Variants in TOPBP1 observed in about 807,000 individuals in gnomAD.
The protein encoded by TOPBP1 is DNA topoisomerase II binding protein 1.
In TOPBP1, 28 loss-of-function variants were observed where a neutral mutation model predicts 167.7. That is an observed-to-expected ratio of 0.17 (90% CI 0.12 to 0.23). TOPBP1 has a LOEUF of 0.23. TOPBP1 is among the 10% of genes least tolerant of loss of function. TOPBP1 has a pLI of 1.00. For missense variants in TOPBP1, 1,554 were observed against 1,809.6 expected (o/e 0.86, Z 2.56); for synonymous variants, 598 against 611.4 (o/e 0.98, Z 0.32).
chr3:133,656,925 C>G, intron 4 of TOPBP1, 68 bp from the exon 5 acceptor site: 1 of 1,333,380 alleles, frequency 7.5e-7, no homozygotes, highest in Non-Finnish European at 9.8e-7. Flanking sequence ...TATACACTAT[C>G]TCATAAATAC....
intron 6 of TOPBP1, among the ~76,000 whole-genome samples, 193 bp downstream of exon 6, chr3:133,655,097 C>A (rs1936433943): frequency 6.6e-6 from 1 of 152,020 alleles, no homozygotes; most frequent in African/African-American, 2.4e-5. Flanking sequence ...TCCCGCTACT[C>A]GGGAAGCTGA....
intron 2 of TOPBP1, 59 bp from the exon 3 acceptor site, chr3:133,659,209 A>T: frequency 6.9e-7 from 1 of 1,444,352 alleles, no homozygotes; most frequent in East Asian, 2.4e-5. Flanking sequence ...TTTAGGTCCT[A>T]TTCAAATTCC....
At chr3:133,627,293 G>GAAT (rs1375601958) in intron 16 of TOPBP1, among the ~76,000 whole-genome samples, 1 of 151,370 alleles carries the variant, frequency 6.6e-6, no homozygotes, top group Non-Finnish European at 1.5e-5. Flanking sequence ...CATCAAAACA[G>GAAT]AATAAACAAG....
intron 14 of TOPBP1, among the ~76,000 whole-genome samples, chr3:133,631,472 C>T (rs1457157568): frequency 1.3e-5 from 2 of 152,074 alleles, no homozygotes; most frequent in African/African-American, 2.4e-5. Flanking sequence ...AATATTGTTT[C>T]TGCTTGCATT....
In TOPBP1 at chr3:133,617,336, A is replaced by G. The variant is rs564263941; in HGVS notation, c.3593-10T>C. ...CCAGGATCACAGACAGCTGAGGACA[A>G]TAAAATGCTGCAGTGTGACAGGATC... is the stretch of plus-strand genomic sequence containing the variant. On this transcript the variant is annotated splice_polypyrimidine_tract_variant and intron_variant, in intron 21 of 27. Transcript: ENST00000260810. 1.3e-6 allele frequency: 2 copies of G among 1,593,856 alleles called. No homozygotes were observed. Among genetic ancestry groups the G allele is most frequent in the South Asian group, 2.3e-5 (2 of 87,942 alleles).
intron 4 of TOPBP1, 116 bp downstream of exon 4, chr3:133,657,682 G>T: frequency 1.2e-6 from 1 of 838,178 alleles, no homozygotes; most frequent in Non-Finnish European, 1.7e-6. Context: ...ACTGAACTTT[G>T]TTAAAAGTCA....
intron 20 of TOPBP1, 55 bp from the exon 21 acceptor site, chr3:133,618,488 T>C (rs1934971795): frequency 6.5e-7 from 1 of 1,546,296 alleles, no homozygotes; most frequent in Admixed American, 1.7e-5. Flanking sequence ...CCAAACTCAT[T>C]AAATCCATAA....
intron 8 of TOPBP1, among the ~76,000 whole-genome samples, chr3:133,650,961 T>C (rs1049243201): frequency 6.6e-6 from 1 of 151,246 alleles, no homozygotes; most frequent in Non-Finnish European, 1.5e-5. Flanking sequence ...AATAGAAAAA[T>C]TAGCATGCAC....
chr3:133,648,464 T>C (rs1182334979), intron 10 of TOPBP1, among the ~76,000 whole-genome samples: 1 of 152,180 alleles, frequency 6.6e-6, no homozygotes, highest in Non-Finnish European at 1.5e-5. Context: ...GCTGAGTATG[T>C]TGATGAGTGG....
Position 133,601,143 on chromosome 3 carries a change from T to C in TOPBP1, c.*107A>G. ...GTCATCATTATACTCTGAAGCAGAA[T>C]TCTTCAGGTACTCATCTTTAAATTA... On this transcript the variant is annotated 3_prime_UTR_variant, in exon 28 of 28. Coordinates refer to ENST00000260810, the MANE Select transcript of TOPBP1 (RefSeq NM_007027.4). 1.1e-6 allele frequency: 1 copy of C among 933,006 alleles called. No individual in the cohort carries two copies. Among genetic ancestry groups the C allele is most frequent in the Non-Finnish European group, 1.6e-6 (1 of 628,330 alleles). The allele number at this position is 933,006 out of a possible 1,614,324, so 57.8% of individuals were successfully genotyped here.
At chr3:133,625,130 C>T (rs998838158) in intron 16 of TOPBP1, among the ~76,000 whole-genome samples, 10 of 152,150 alleles carry the variant, frequency 6.6e-5, no homozygotes, top group Admixed American at 6.5e-4. Flanking sequence ...CCACACCCAG[C>T]TAATTTTTGT....
chr3:133,658,065 AATC>A (rs1936542145), intron 3 of TOPBP1, 124 bp from the exon 4 acceptor site: 2 of 676,852 alleles, frequency 3.0e-6, no homozygotes, highest in Admixed American at 4.1e-5. Context: ...GAAATCAGCA[AATC>A]ATTACAAGAA....
intron 4 of TOPBP1, 124 bp downstream of exon 4, chr3:133,657,674 T>C: frequency 1.4e-6 from 1 of 692,492 alleles, no homozygotes; most frequent in South Asian, 4.7e-5. Flanking sequence ...GGTTGTATAC[T>C]GAACTTTGTT....
chr3:133,656,887 C>T lies in TOPBP1; in HGVS notation c.364-30G>A, dbSNP rs776422241. ...AGCCCCAAAAGAGAACACATTAATG[C>T]TGAAGCAAACAATATTGCTTCCACT... On this transcript the variant is annotated intron_variant, in intron 4 of 27. Coordinates refer to ENST00000260810, the MANE Select transcript of TOPBP1 (RefSeq NM_007027.4). 1.3e-5 allele frequency: 19 copies of T among 1,483,490 alleles called. No homozygotes were observed. The East Asian group carries it at 3.4e-4, about 27-fold the overall frequency. 91.9% of individuals were successfully genotyped at this position (1,483,490 alleles called of 1,614,324 possible). A position where few individuals can be genotyped will look rare whatever the true frequency, so the allele number is the denominator to read the frequency against.
At chr3:133,647,482 A>G (rs1164069453) in intron 10 of TOPBP1, among the ~76,000 whole-genome samples, 1 of 152,326 alleles carries the variant, frequency 6.6e-6, no homozygotes, top group South Asian at 2.1e-4. Context: ...CACCATAAAC[A>G]ACAGCCAACA....
At chr3:133,651,139 T>TAA (rs111889299) in intron 8 of TOPBP1, among the ~76,000 whole-genome samples, 17,627 of 121,944 alleles carry the variant, frequency 0.14, 1,551 homozygotes, top group Non-Finnish European at 0.2. Context: ...TTGGCAAGTT[T>TAA]AAAAAAAAAA....
At chr3:133,628,173 A>G (rs1458851568) in intron 16 of TOPBP1, 189 bp downstream of exon 16, 9 of 590,724 alleles carry the variant, frequency 1.5e-5, no homozygotes, top group African/African-American at 5.6e-5. Context: ...TTATATACAT[A>G]TAAGAGTGAA....
At chr3:133,651,171 CTTTTTTTTTTTTTT>C (rs1176625452) in intron 8 of TOPBP1, among the ~76,000 whole-genome samples, 4 of 82,090 alleles carry the variant, frequency 4.9e-5, no homozygotes, top group Non-Finnish European at 8.7e-5. Flanking sequence ...CCGAATTTCC[CTTTTTTTTTTTTTT>C]TTTTTTTTTT....
chr3:133,608,536 T>C lies in TOPBP1; in HGVS notation c.4424A>G (p.Gln1475Arg). ...GGTCAAGGATAGAATCTCACAAACC[T>C]GCATGAGATAATCAGCAATGTATTC... is the stretch of plus-strand genomic sequence containing the variant. ...RTEYIADYLM[Q>R]ESPPHVENYC... The change falls in exon 27 of 28, where the codon CAG becomes CGG. Residue 1475 changes from glutamine to arginine, a missense_variant and splice_region_variant. Physicochemically the swap from Gln to Arg is conservative, Grantham distance 43. Transcript: ENST00000260810. 3 of 1,613,424 alleles carry C rather than the reference T, an allele frequency of 1.9e-6. No individual in the cohort carries two copies. Among genetic ancestry groups the C allele is most frequent in the Non-Finnish European group, 1.7e-6 (2 of 1,179,592 alleles).
Sources: allele counts gnomAD v4.1 joint callset (sites outside exome capture counted in the v4.1 genomes callset), GRCh38; gene constraint gnomAD v4.1.1; transcripts MANE v1.5; gene names NCBI Gene and HGNC (gene_info 2026-07-23, HGNC 2026-07-21).